Variants in SNX16 observed in about 807,000 individuals in gnomAD.
SNX16 encodes the protein sorting nexin-16.
A neutral mutation model predicts 36.7 loss-of-function variants in SNX16; 35 were observed. The observed-to-expected ratio is 0.95, with a 90% CI of 0.73 to 1.27. The LOEUF is 1.27. Ranked by LOEUF, SNX16 falls within the 50% of genes most tolerant of loss-of-function variation. The probability of loss-of-function intolerance (pLI) is 0.00; values close to 1 mark genes in which losing one functional copy is unlikely to be tolerated. For synonymous variants in SNX16, 134 were observed against 132.0 expected, an observed-to-expected ratio of 1.02 and a Z score of -0.10; for missense variants, 367 against 393.6, an observed-to-expected ratio of 0.93 and a Z score of 0.57.
At chr8:81,803,033 T>C (rs1809774457) in intron 6 of SNX16, 59 bp downstream of exon 6, 2 of 1,373,632 alleles carry the variant, frequency 1.5e-6, no homozygotes, top group Non-Finnish European at 1.9e-6. Context: ...AAAGGGCAGT[T>C]AGCCCAGAGT....
intron 1 of SNX16, 121 bp from the exon 2 acceptor site, chr8:81,840,203 A>T (rs937072821): frequency 4.2e-6 from 2 of 475,512 alleles, no homozygotes; most frequent in Non-Finnish European, 3.6e-6. Context: ...CATACCTCAA[A>T]CCCCTTCTCC....
chr8:81,807,284 T>G (rs1809997381), intron 5 of SNX16, among the ~76,000 whole-genome samples: 2 of 151,702 alleles, frequency 1.3e-5, no homozygotes, highest in African/African-American at 4.8e-5. Context: ...TTTGGGAGGC[T>G]GAGGTGGGCA....
intron 4 of SNX16, among the ~76,000 whole-genome samples, chr8:81,823,068 GA>G (rs1267452980): frequency 1.3e-5 from 2 of 150,486 alleles, no homozygotes; most frequent in African/African-American, 2.4e-5. Flanking sequence ...AAAAGAGGTA[GA>G]AAAAATTAGA....
intron 2 of SNX16, 126 bp from the exon 3 acceptor site, chr8:81,829,642 T>A: frequency 2.6e-6 from 1 of 385,446 alleles, no homozygotes; most frequent in African/African-American, 2.1e-5. Context: ...ATGTAAAAAA[T>A]ATCAAAAATC....
intron 5 of SNX16, among the ~76,000 whole-genome samples, chr8:81,810,706 T>A (rs1810198673): frequency 6.6e-6 from 1 of 152,160 alleles, no homozygotes; most frequent in African/African-American, 2.4e-5. Flanking sequence ...GATTTTAAAC[T>A]CAGAAGACAC....
chr8:81,817,845 T>C (rs1810562699), intron 4 of SNX16, among the ~76,000 whole-genome samples: 1 of 152,152 alleles, frequency 6.6e-6, no homozygotes, highest in South Asian at 2.1e-4. Flanking sequence ...CATAACTTTA[T>C]TTAGATCCAG....
chr8:81,836,439 T>A (rs12674735), intron 2 of SNX16, among the ~76,000 whole-genome samples: 37,706 of 152,084 alleles, frequency 0.25, 5,225 homozygotes, highest in East Asian at 0.37. Flanking sequence ...CATTTCAATG[T>A]TGAACAGACA....
At chr8:81,834,186 G>C (rs1811393661) in intron 2 of SNX16, among the ~76,000 whole-genome samples, 1 of 152,154 alleles carries the variant, frequency 6.6e-6, no homozygotes. Flanking sequence ...CAAAAGAAGA[G>C]AGCTTGTGCA....
At chr8:81,802,994 C>A in intron 6 of SNX16, 98 bp downstream of exon 6, 2 of 1,117,878 alleles carry the variant, frequency 1.8e-6, no homozygotes, top group East Asian at 2.9e-5. Flanking sequence ...CTTTCAGAAT[C>A]AGAAAATTCC....
At chr8:81,815,281 A>G (rs919995187) in intron 5 of SNX16, 44 bp downstream of exon 5, 5 of 1,441,412 alleles carry the variant, frequency 3.5e-6, no homozygotes, top group Non-Finnish European at 3.9e-6. Context: ...ATTGTACTGC[A>G]TTAATTGTTC....
chr8:81,803,021 A>G (rs2130574598), intron 6 of SNX16, 71 bp downstream of exon 6: 1 of 1,299,370 alleles, frequency 7.7e-7, no homozygotes, highest in East Asian at 2.7e-5. Flanking sequence ...ATATTAAAAT[A>G]TAAAGGGCAG....
At chr8:81,819,721 A>G (rs940747515) in intron 4 of SNX16, among the ~76,000 whole-genome samples, 2 of 152,064 alleles carry the variant, frequency 1.3e-5, no homozygotes, top group African/African-American at 4.8e-5. Context: ...AAAATCTCTA[A>G]TAAATCTGTT....
intron 5 of SNX16, among the ~76,000 whole-genome samples, chr8:81,813,409 C>A (rs892597871): frequency 2.0e-5 from 3 of 151,478 alleles, no homozygotes; most frequent in African/African-American, 4.8e-5. Flanking sequence ...GAACTTAAGA[C>A]CCTTACCTAA....
At chr8:81,827,660 A>G (rs1811076673) in intron 3 of SNX16, among the ~76,000 whole-genome samples, 2 of 152,206 alleles carry the variant, frequency 1.3e-5, no homozygotes, top group South Asian at 4.1e-4. Context: ...TTAGCATTCC[A>G]TATTTTACCT....
chr8:81,817,811 C>T (rs1031744966), intron 4 of SNX16, among the ~76,000 whole-genome samples: 1 of 152,140 alleles, frequency 6.6e-6, no homozygotes, highest in Admixed American at 6.5e-5. Flanking sequence ...GAAACCCTCA[C>T]CCTTGCTTGA....
intron 5 of SNX16, chr8:81,814,784 A>G (rs1207933639): frequency 6.6e-6 from 1 of 152,126 alleles, no homozygotes; most frequent in East Asian, 1.9e-4. Flanking sequence ...ACATTTGGGG[A>G]AAAAACTTGC....
intron 2 of SNX16, among the ~76,000 whole-genome samples, chr8:81,830,294 G>A (rs759253168): frequency 9.2e-5 from 14 of 152,108 alleles, no homozygotes; most frequent in Non-Finnish European, 1.6e-4. Context: ...ACAGGGCCGG[G>A]TGTGGTGGCT....
Position 81,837,739 on chromosome 8 carries a change from C to T in SNX16, c.375+1873G>A, listed in dbSNP as rs138841101. ...TTTCAACATATGAATTTTGAAGGAA[C>T]GCACATTCAGACCATAGTATCAACT... On this transcript the variant is annotated intron_variant, in intron 2 of 7. Transcript: ENST00000345957. 3.0e-3 allele frequency among the ~76,000 whole-genome samples: 460 copies of T among 152,250 alleles called. 2 individuals carry two copies. Among genetic ancestry groups the T allele is most frequent in the African/African-American group, 0.01 (434 of 41,532 alleles).
intron 2 of SNX16, among the ~76,000 whole-genome samples, chr8:81,830,579 TAAAAAAAAAAA>T (rs752827905): frequency 1.1e-5 from 1 of 90,254 alleles, no homozygotes; most frequent in Non-Finnish European, 2.2e-5. Context: ...GTCTAGGGGG[TAAAAAAAAAAA>T]AAAAAAAAAA....
Sources: allele counts gnomAD v4.1 joint callset (sites outside exome capture counted in the v4.1 genomes callset), GRCh38; gene constraint gnomAD v4.1.1; transcripts MANE v1.5; gene names NCBI Gene and HGNC (gene_info 2026-07-23, HGNC 2026-07-21).